The following EYA2 variants were observed in gnomAD, a reference collection of about 807,000 sequenced individuals.
EYA2 encodes protein phosphatase EYA2.
In EYA2, 31 loss-of-function variants were observed where a neutral mutation model predicts 69.2. The ratio of observed to expected loss-of-function variants is 0.45; its 90% confidence interval spans 0.34 to 0.60. The LOEUF is 0.60. Among genes scored for constraint, EYA2 ranks in the 20% least tolerant of loss-of-function variants. The probability of loss-of-function intolerance (pLI) is 0.02; values close to 1 mark genes in which losing one functional copy is unlikely to be tolerated. For synonymous variants in EYA2, 257 were observed against 279.4 expected, an observed-to-expected ratio of 0.92 and a Z score of 0.80; for missense variants, 622 against 701.2, an observed-to-expected ratio of 0.89 and a Z score of 1.28.
At chr20:47,075,357 A>C (rs1440285576) in intron 7 of EYA2, among the ~76,000 whole-genome samples, 2 of 152,190 alleles carry the variant, frequency 1.3e-5, no homozygotes, top group Non-Finnish European at 2.9e-5. Context: ...TAATCCTCAC[A>C]AAAACAGGTT....
At chr20:47,103,247 G>A (rs1480080960) in intron 9 of EYA2, among the ~76,000 whole-genome samples, 1 of 152,028 alleles carries the variant, frequency 6.6e-6, no homozygotes. Context: ...ATACTCACTA[G>A]CAGTCACCCC....
intron 1 of EYA2, among the ~76,000 whole-genome samples, chr20:46,952,826 C>G (rs1978886233): frequency 6.6e-6 from 1 of 152,172 alleles, no homozygotes; most frequent in African/African-American, 2.4e-5. Context: ...GCAGGGCACC[C>G]TAAGGATGCT....
intron 1 of EYA2, among the ~76,000 whole-genome samples, chr20:46,918,338 T>C (rs1489360619): frequency 1.4e-5 from 2 of 146,172 alleles, no homozygotes; most frequent in Non-Finnish European, 3.0e-5. Flanking sequence ...AAAACAAATC[T>C]CACTCTGTAG....
intron 8 of EYA2, among the ~76,000 whole-genome samples, chr20:47,094,065 G>T (rs923326505): frequency 6.6e-6 from 1 of 152,220 alleles, no homozygotes; most frequent in African/African-American, 2.4e-5. Flanking sequence ...TCTGCACCAT[G>T]ATGGCCTAGG....
intron 5 of EYA2, among the ~76,000 whole-genome samples, chr20:47,027,859 AT>A: frequency 6.6e-6 from 1 of 152,210 alleles, no homozygotes; most frequent in Non-Finnish European, 1.5e-5. Context: ...ATTTTAATTA[AT>A]TGTAAATGCA....
intron 9 of EYA2, among the ~76,000 whole-genome samples, chr20:47,106,565 C>T (rs2032585340): frequency 6.6e-6 from 1 of 152,140 alleles, no homozygotes; most frequent in African/African-American, 2.4e-5. Context: ...CCTCTGTCCA[C>T]TTACGACACT....
chr20:47,023,886 C>T (rs1354319780), intron 5 of EYA2, among the ~76,000 whole-genome samples: 1 of 152,164 alleles, frequency 6.6e-6, no homozygotes, highest in Non-Finnish European at 1.5e-5. Flanking sequence ...AGTCTGCCCA[C>T]CTCAGCCTCC....
intron 5 of EYA2, among the ~76,000 whole-genome samples, chr20:47,023,044 A>G (rs950464675): frequency 2.0e-5 from 3 of 147,652 alleles, no homozygotes; most frequent in African/African-American, 7.5e-5. Flanking sequence ...CTTTTGTAAT[A>G]AAAAAAAAAG....
At chr20:46,906,331 G>A (rs980151530) in intron 1 of EYA2, among the ~76,000 whole-genome samples, 3 of 152,134 alleles carry the variant, frequency 2.0e-5, no homozygotes, top group Admixed American at 6.5e-5. Context: ...ACTCATCCCC[G>A]CAGGCTGCGT....
intron 1 of EYA2, among the ~76,000 whole-genome samples, chr20:46,904,156 G>A (rs1012734868): frequency 3.9e-5 from 6 of 152,098 alleles, no homozygotes; most frequent in Admixed American, 6.6e-5. Context: ...CCCTCTCAAC[G>A]TCCCAGACAT....
At chr20:47,057,523 A>T (rs1157137113) in intron 5 of EYA2, among the ~76,000 whole-genome samples, 1 of 95,298 alleles carries the variant, frequency 1.0e-5, no homozygotes, top group Non-Finnish European at 2.2e-5. Flanking sequence ...CCCCCCCCCC[A>T]TCTCATACCT....
Position 47,039,183 on chromosome 20 carries a change from G to A in EYA2, c.415+22886G>A, listed in dbSNP as rs532653452. 1.5e-4 allele frequency among the ~76,000 whole-genome samples: 23 copies of A among 152,158 alleles called. No individual in the cohort carries two copies. The South Asian group carries it at 4.8e-3, about 32-fold the overall frequency. ...TTCTAACTATTTTGACCTAGACCAG[G>A]TGTAGGCTAACTAAAACCCTCAGGC... is the stretch of plus-strand genomic sequence containing the variant. On this transcript the variant is annotated intron_variant, in intron 5 of 15. Coordinates refer to ENST00000327619, the MANE Select transcript of EYA2 (RefSeq NM_005244.5).
At chr20:47,130,554 C>T (rs893130701) in intron 9 of EYA2, among the ~76,000 whole-genome samples, 14 of 151,806 alleles carry the variant, frequency 9.2e-5, no homozygotes, top group Non-Finnish European at 1.3e-4. Flanking sequence ...CGTGAGCCAC[C>T]GCGCCCGGCC....
chr20:47,053,619 A>T (rs1427639865), intron 5 of EYA2, among the ~76,000 whole-genome samples: 1 of 148,404 alleles, frequency 6.7e-6, no homozygotes, highest in Non-Finnish European at 1.5e-5. Flanking sequence ...GTGAGCTGAG[A>T]TCATGCCACT....
At position 47,165,329 on chromosome 20, in the gene EYA2, G is replaced by A. The variant is rs890649670; in HGVS notation, c.979-3810G>A. ...GGGTAAATGGAAAGAAAGGAAATTCGAAATACTGAGCAGTAAAAGCTTAGG... is the reference window on the plus strand; with the variant it reads ...GGGTAAATGGAAAGAAAGGAAATTCAAAATACTGAGCAGTAAAAGCTTAGG... On this transcript the variant is annotated intron_variant, in intron 10 of 15. Coordinates refer to ENST00000327619, the MANE Select transcript of EYA2 (RefSeq NM_005244.5). Among the ~76,000 whole-genome samples, 10 of 152,166 alleles carry A rather than the reference G, an allele frequency of 6.6e-5. No homozygotes were observed. In the East Asian group the frequency reaches 7.7e-4, roughly 12 times the overall value.
Position 47,089,257 on chromosome 20 carries a change from A to G in EYA2, c.680A>G (p.Asn227Ser), listed in dbSNP as rs201594130. The stretch of plus-strand genomic sequence containing the variant: ...ACGCCAGGTGAATACAACACACACA[A>G]TGGACCTTCCACACCAGCGAAAGAG... ...ESLAGEYNTH[N>S]GPSTPAKEGD... Residue 227 changes from asparagine (N) to serine (S), a missense_variant, in exon 8 of 16, where the codon AAT becomes AGT. Asn to Ser is a conservative substitution (Grantham distance 46, BLOSUM62 1). Transcript: ENST00000327619. 67 of 1,614,074 alleles carry G rather than the reference A, an allele frequency of 4.2e-5. No individual in the cohort carries two copies. The Admixed American group carries it at 7.7e-4, about 18-fold the overall frequency.
At chr20:46,975,159 C>T (rs532887452) in intron 1 of EYA2, among the ~76,000 whole-genome samples, 3 of 152,182 alleles carry the variant, frequency 2.0e-5, no homozygotes, top group South Asian at 2.1e-4. Context: ...GTGATGGAAT[C>T]GTTCTCTAGA....
At chr20:47,104,560 T>G (rs921330108) in intron 9 of EYA2, among the ~76,000 whole-genome samples, 2 of 152,258 alleles carry the variant, frequency 1.3e-5, no homozygotes, top group African/African-American at 4.8e-5. Context: ...TTTTCTCATT[T>G]TAGCTCTTAC....
rs184933933 is a variant in EYA2 at position 47,074,104 on chromosome 20, C to T, written c.484-54C>T. 3.3e-4 allele frequency: 490 copies of T among 1,494,506 alleles called. 3 individuals carry two copies. The African/African-American group carries it at 3.9e-3, about 12-fold the overall frequency. The allele number at this position is 1,494,506 out of a possible 1,614,324, so 92.6% of individuals were successfully genotyped here. ...AGAGTGGCCAGGCTGACCAACGGCC[C>T]GAGCCCAGAAAGGCTTCCTCACATA... is the stretch of plus-strand genomic sequence containing the variant. On this transcript the variant is annotated intron_variant, in intron 6 of 15. Coordinates refer to ENST00000327619, the MANE Select transcript of EYA2 (RefSeq NM_005244.5).
Sources: gnomAD v4.1 joint callset for allele counts (sites outside exome capture counted in the v4.1 genomes callset) on GRCh38, gnomAD v4.1.1 for gene constraint, MANE v1.5 for transcripts, NCBI Gene and HGNC (gene_info 2026-07-23, HGNC 2026-07-21) for gene names.